The following CCDC146 variants were observed in gnomAD, a reference collection of about 807,000 sequenced individuals.
CCDC146 encodes the protein coiled-coil domain-containing protein 146.
In CCDC146, 92 loss-of-function variants were observed where a neutral mutation model predicts 119.3. The ratio of observed to expected loss-of-function variants is 0.77; its 90% CI spans 0.65 to 0.92. CCDC146 has a LOEUF of 0.92. Ranked by LOEUF, CCDC146 falls within the 40% of genes least tolerant of loss-of-function variation. CCDC146 has a pLI of 0.00. For synonymous variants in CCDC146, 372 were observed against 371.8 expected (o/e 1.00, Z -0.01); for missense variants, 1,000 against 1,103.0 (o/e 0.91, Z 1.32).
intron 9 of CCDC146, among the ~76,000 whole-genome samples, chr7:77,264,269 T>G (rs1793358351): frequency 6.6e-6 from 1 of 152,150 alleles, no homozygotes; most frequent in Admixed American, 6.6e-5. Flanking sequence ...TTTTTTTTCT[T>G]TTTCTTTTTG....
At position 77,287,479 on chromosome 7, in the gene CCDC146, G is replaced by A. The variant is rs757376642; in HGVS notation, c.2317G>A (p.Glu773Lys). The A allele has an allele frequency of 6.2e-7, 1 of 1,614,104 alleles. No individual in the cohort carries two copies. The highest frequency in any genetic ancestry group is 8.5e-7 in the Non-Finnish European group (1 of 1,179,992). The change falls in exon 17 of 19, where the codon GAG (glutamate) becomes AAG (lysine). Residue 773 changes from glutamate (E) to lysine (K), a missense_variant. By Grantham distance (56) the Glu-to-Lys change is moderately conservative (BLOSUM62 1). Transcript: ENST00000285871. Reference protein sequence around the residue: ...QLAKKEEKLLEKDFIYEQVSR... With the variant: ...QLAKKEEKLLKKDFIYEQVSR... ...GGCCAAGAAGGAGGAGAAGCTGCTG[G>A]AGAAGGATTTCATCTATGAGCAGGT...
intron 1 of CCDC146, among the ~76,000 whole-genome samples, chr7:77,147,516 C>T (rs1791039560): frequency 6.6e-6 from 1 of 152,156 alleles, no homozygotes; most frequent in Non-Finnish European, 1.5e-5. Flanking sequence ...CTTTTCTGCT[C>T]TGTTTTTTCC....
chr7:77,239,596 C>T (rs1291376432), intron 3 of CCDC146, among the ~76,000 whole-genome samples: 1 of 152,180 alleles, frequency 6.6e-6, no homozygotes. Context: ...TGCAAATGAG[C>T]TGGAACTTGA....
Position 77,214,040 on chromosome 7 carries a change from T to C in CCDC146, c.157-22907T>C, listed in dbSNP as rs769349248. ...TTTTTAGTTCTTTGAAAAATTTCCA[T>C]GCTGTTTTCCACAGGGGCTGAACTA... On this transcript the variant is annotated intron_variant, in intron 2 of 18. Coordinates refer to ENST00000285871, the MANE Select transcript of CCDC146 (RefSeq NM_020879.3). Among the ~76,000 whole-genome samples, 7 of 152,306 alleles carry C rather than the reference T, an allele frequency of 4.6e-5. 1 individual carries two copies. The highest frequency in any genetic ancestry group is 5.9e-5 in the Non-Finnish European group (4 of 68,020).
intron 2 of CCDC146, among the ~76,000 whole-genome samples, chr7:77,228,475 C>CA (rs1792559591): frequency 6.6e-6 from 1 of 152,204 alleles, no homozygotes; most frequent in Non-Finnish European, 1.5e-5. Context: ...CATGACCCTG[C>CA]AAAGGACATG....
intron 2 of CCDC146, among the ~76,000 whole-genome samples, chr7:77,180,276 A>G (rs1238670224): frequency 1.2e-5 from 1 of 81,820 alleles, no homozygotes; most frequent in African/African-American, 1.5e-4. Flanking sequence ...CCATACACAG[A>G]CACACACACA....
At chr7:77,163,610 G>T (rs1197060934) in intron 1 of CCDC146, among the ~76,000 whole-genome samples, 1 of 152,108 alleles carries the variant, frequency 6.6e-6, no homozygotes, top group Admixed American at 6.6e-5. Context: ...ATGCAGGTAT[G>T]AAAAGGGATG....
intron 2 of CCDC146, among the ~76,000 whole-genome samples, chr7:77,202,212 G>A (rs1792004886): frequency 6.6e-6 from 1 of 152,120 alleles, no homozygotes; most frequent in Non-Finnish European, 1.5e-5. Flanking sequence ...TAGGCACTTG[G>A]GCCACACTGG....
At chr7:77,146,445 T>C (rs1018307629) in intron 1 of CCDC146, among the ~76,000 whole-genome samples, 1 of 152,184 alleles carries the variant, frequency 6.6e-6, no homozygotes, top group African/African-American at 2.4e-5. Flanking sequence ...AGTTTGATCC[T>C]GTCATTATGA....
At chr7:77,268,414 T>C (rs1489337742) in intron 9 of CCDC146, among the ~76,000 whole-genome samples, 1 of 152,238 alleles carries the variant, frequency 6.6e-6, no homozygotes, top group Non-Finnish European at 1.5e-5. Flanking sequence ...GTTCTGCTCC[T>C]GGATACCAGG....
chr7:77,157,709 G>A (rs1791197834), intron 1 of CCDC146, among the ~76,000 whole-genome samples: 1 of 152,128 alleles, frequency 6.6e-6, no homozygotes, highest in African/African-American at 2.4e-5. Flanking sequence ...TTCCAGTGGG[G>A]GCTGCTTCTC....
intron 2 of CCDC146, among the ~76,000 whole-genome samples, chr7:77,224,579 T>A (rs1000222517): frequency 1.3e-5 from 2 of 152,204 alleles, no homozygotes; most frequent in Admixed American, 1.3e-4. Flanking sequence ...GACATGCACA[T>A]CCTGGGGGAT....
intron 3 of CCDC146, among the ~76,000 whole-genome samples, chr7:77,237,699 C>G (rs1460557639): frequency 1.3e-5 from 2 of 152,202 alleles, no homozygotes; most frequent in Non-Finnish European, 2.9e-5. Flanking sequence ...GCTACTTACA[C>G]CTTGCAAGTC....
At chr7:77,231,642 C>G (rs1792629738) in intron 2 of CCDC146, among the ~76,000 whole-genome samples, 1 of 152,012 alleles carries the variant, frequency 6.6e-6, no homozygotes, top group African/African-American at 2.4e-5. Flanking sequence ...AGTGTAGCTC[C>G]TTAAAAATTT....
chr7:77,278,066 A>G (rs75560874), intron 11 of CCDC146, among the ~76,000 whole-genome samples: 2,400 of 152,300 alleles, frequency 0.016, 52 homozygotes, highest in African/African-American at 0.053. Flanking sequence ...CCCACATACA[A>G]AAGAATGGAA....
intron 4 of CCDC146, among the ~76,000 whole-genome samples, chr7:77,251,218 C>T (rs1205746203): frequency 6.6e-6 from 1 of 152,008 alleles, no homozygotes; most frequent in Admixed American, 6.6e-5. Context: ...GATGGGATTT[C>T]ACCATATTGG....
intron 1 of CCDC146, among the ~76,000 whole-genome samples, chr7:77,143,038 A>G (rs1453121444): frequency 6.6e-6 from 1 of 151,860 alleles, no homozygotes; most frequent in Non-Finnish European, 1.5e-5. Context: ...CCAACAGTGT[A>G]AAAGTGTTCC....
intron 2 of CCDC146, among the ~76,000 whole-genome samples, chr7:77,169,487 A>G (rs1791385334): frequency 6.6e-6 from 1 of 152,164 alleles, no homozygotes. Flanking sequence ...ACCCAGATCA[A>G]CTCTTGTTAT....
At chr7:77,183,720 A>G (rs1245432323) in intron 2 of CCDC146, among the ~76,000 whole-genome samples, 1 of 152,198 alleles carries the variant, frequency 6.6e-6, no homozygotes, top group East Asian at 1.9e-4. Context: ...TGCTCTCCGC[A>G]TAGTGCTTGC....
Sources: allele counts gnomAD v4.1 joint callset (sites outside exome capture counted in the v4.1 genomes callset), GRCh38; gene constraint gnomAD v4.1.1; transcripts MANE v1.5; gene names NCBI Gene and HGNC (gene_info 2026-07-23, HGNC 2026-07-21).